BDNF: variants seen among roughly 807,000 people sequenced by gnomAD.
BDNF encodes neurotrophic factor BDNF precursor form.
Under a neutral mutation model 19.5 loss-of-function variants are expected in BDNF, and 1 was observed. The observed-to-expected ratio is 0.05, with a 90% CI of 0.02 to 0.24. BDNF has a LOEUF of 0.24. Among genes scored for constraint, BDNF ranks in the 10% least tolerant of loss-of-function variants. BDNF has a pLI of 1.00. For synonymous variants in BDNF, 100 were observed against 121.6 expected, an observed-to-expected ratio of 0.82 and a Z score of 1.17; for missense variants, 195 against 317.6, an observed-to-expected ratio of 0.61 and a Z score of 2.93.
intron 1 of BDNF, among the ~76,000 whole-genome samples, chr11:27,670,649 C>T (rs1202415523): frequency 1.3e-5 from 2 of 152,140 alleles, no homozygotes; most frequent in African/African-American, 2.4e-5. Flanking sequence ...CCAAAAGACA[C>T]ATGAAAAAAT....
chr11:27,664,869 C>T (rs529350444), intron 1 of BDNF, among the ~76,000 whole-genome samples: 3 of 152,302 alleles, frequency 2.0e-5, no homozygotes, highest in African/African-American at 7.2e-5. Context: ...ACCTTGCCCT[C>T]ATCCTCTGCC....
chr11:27,677,984 G>T (rs1856393767), intron 1 of BDNF, among the ~76,000 whole-genome samples: 1 of 152,116 alleles, frequency 6.6e-6, no homozygotes, highest in South Asian at 2.1e-4. Flanking sequence ...ACTGATTCAA[G>T]GTGGGACAAT....
chr11:27,672,705 G>A (rs1403870919), intron 1 of BDNF, among the ~76,000 whole-genome samples: 1 of 152,110 alleles, frequency 6.6e-6, no homozygotes, highest in Non-Finnish European at 1.5e-5. Flanking sequence ...TTCCCAGGAG[G>A]TAACCCAATT....
Position 27,658,831 on chromosome 11 carries a change from T to G in BDNF, c.-21-246A>C, listed in dbSNP as rs1320994885. 1.4e-6 allele frequency: 2 copies of G among 1,387,508 alleles called. No individual in the cohort carries two copies. The highest frequency in any genetic ancestry group is 3.2e-5 in the Admixed American group (1 of 31,258). 85.9% of individuals were successfully genotyped at this position (1,387,508 alleles called of 1,614,324 possible). On this transcript the variant is annotated intron_variant, in intron 1 of 1. Coordinates refer to ENST00000356660, the MANE Select transcript of BDNF (RefSeq NM_001709.5). This position sits in a 1 kb window ranked among gnomAD's most constrained non-coding sequence, Gnocchi z 5.7. ...TCTAGCATATAAACCTGAGATTAGA[T>G]GGCTTCTAAGCAAGTGCAAAAATTG...
intron 1 of BDNF, among the ~76,000 whole-genome samples, chr11:27,672,323 A>C (rs1855500950): frequency 6.6e-6 from 1 of 152,198 alleles, no homozygotes; most frequent in Non-Finnish European, 1.5e-5. Flanking sequence ...ACATAGCCTA[A>C]TATCACTCAC....
rs774437578 is a variant in BDNF at position 27,657,809 on chromosome 11, A to G, written c.*12T>C. ...TGTCTCAATATAATCTAATCTATAC[A>G]ACATAAATCCACTATCTTCCCCTTT... On this transcript the variant is annotated 3_prime_UTR_variant, in exon 2 of 2. Transcript: ENST00000356660. The surrounding 1 kb of genome is among the most constrained non-coding windows in gnomAD (Gnocchi z 5.0). 1 of 1,611,886 alleles carries G rather than the reference A, an allele frequency of 6.2e-7. No homozygotes were observed. The highest frequency in any genetic ancestry group is 1.1e-5 in the South Asian group (1 of 91,026).
chr11:27,699,520 G>A, intron 1 of BDNF: 1 of 1,609,860 alleles, frequency 6.2e-7, no homozygotes, highest in Non-Finnish European at 8.5e-7. Flanking sequence ...AGGATGGGTA[G>A]AGATGTGGGT....
intron 1 of BDNF, among the ~76,000 whole-genome samples, chr11:27,667,013 G>A (rs545028410): frequency 2.6e-5 from 4 of 152,194 alleles, no homozygotes; most frequent in South Asian, 2.1e-4. Context: ...TAAGTGCAGC[G>A]AGAGAGAAAG....
At chr11:27,717,589 T>C (rs1426833918) in intron 1 of BDNF, among the ~76,000 whole-genome samples, 1 of 152,194 alleles carries the variant, frequency 6.6e-6, no homozygotes, top group Non-Finnish European at 1.5e-5. Context: ...AATATTAATA[T>C]GCAAGACCAA....
Position 27,667,303 on chromosome 11 carries a change from C to G in BDNF, c.-21-8718G>C, listed in dbSNP as rs1390042775. Reference sequence around the variant, plus strand: ...GGAAAGGAACAACCAGTACCAGCCACTGCAAAAACATGCCAAATTGTAAAG... The same window carrying G: ...GGAAAGGAACAACCAGTACCAGCCAGTGCAAAAACATGCCAAATTGTAAAG... On this transcript the variant is annotated intron_variant, in intron 1 of 1. Transcript: ENST00000356660. Among the ~76,000 whole-genome samples the G allele has an allele frequency of 2.0e-5, 3 of 152,204 alleles. No individual in the cohort carries two copies. In the East Asian group the frequency reaches 5.8e-4, roughly 29 times the overall value.
Position 27,672,806 on chromosome 11 carries a change from A to G in BDNF, c.-21-14221T>C, listed in dbSNP as rs142525155. Among the ~76,000 whole-genome samples, 9 of 152,320 alleles carry G rather than the reference A, an allele frequency of 5.9e-5. No homozygotes were observed. In the East Asian group the frequency reaches 1.7e-3, roughly 29 times the overall value. ...AAAAAGGAAAAAAGGTTAGATTTCCAGAGAAAAGTGTAACATTTTTTAAGT... is the reference window on the plus strand; with the variant it reads ...AAAAAGGAAAAAAGGTTAGATTTCCGGAGAAAAGTGTAACATTTTTTAAGT... On this transcript the variant is annotated intron_variant, in intron 1 of 1. Transcript: ENST00000356660.
At chr11:27,704,886 G>A (rs1860048380), upstream of BDNF, among the ~76,000 whole-genome samples, 1 of 152,060 alleles carries the variant, frequency 6.6e-6, no homozygotes, top group South Asian at 2.1e-4. Context: ...TGTTCAAATT[G>A]GTCAACACCT....
At chr11:27,683,670 C>T (rs1394601501) in intron 1 of BDNF, among the ~76,000 whole-genome samples, 1 of 152,146 alleles carries the variant, frequency 6.6e-6, no homozygotes, top group Non-Finnish European at 1.5e-5. Context: ...GGAATCCTTT[C>T]TGCATTGCTT....
chr11:27,674,033 G>C, intron 1 of BDNF: 1 of 1,530,016 alleles, frequency 6.5e-7, no homozygotes. Context: ...ATTAGCAAGA[G>C]AAGGCTATTA....
chr11:27,711,908 C>A (rs1025359522), intron 1 of BDNF, among the ~76,000 whole-genome samples: 1 of 152,086 alleles, frequency 6.6e-6, no homozygotes, highest in Non-Finnish European at 1.5e-5. Context: ...AGTTAATGAC[C>A]AGAATCTGAA....
intron 1 of BDNF, chr11:27,674,466 TC>T: frequency 7.1e-7 from 1 of 1,416,446 alleles, no homozygotes; most frequent in Non-Finnish European, 9.2e-7. Flanking sequence ...ACGGTTCATT[TC>T]AACAGCACGA....
chr11:27,713,279 A>G (rs927749820), intron 1 of BDNF, among the ~76,000 whole-genome samples: 4 of 152,236 alleles, frequency 2.6e-5, no homozygotes, highest in African/African-American at 7.2e-5. Context: ...TGAAAGCAGA[A>G]GAAATCATTG....
At chr11:27,710,081 A>G (rs967282482) in intron 1 of BDNF, among the ~76,000 whole-genome samples, 3 of 152,216 alleles carry the variant, frequency 2.0e-5, no homozygotes, top group Non-Finnish European at 4.4e-5. Context: ...CTTCAAGATT[A>G]TCCTTTTTTG....
At chr11:27,678,169 CTG>C (rs928175004) in intron 1 of BDNF, among the ~76,000 whole-genome samples, 2 of 152,196 alleles carry the variant, frequency 1.3e-5, no homozygotes, top group African/African-American at 2.4e-5. Flanking sequence ...TGCCTTACCA[CTG>C]TAATATGATG....
Sources: gnomAD v4.1 joint callset for allele counts (sites outside exome capture counted in the v4.1 genomes callset) on GRCh38, gnomAD v4.1.1 for gene constraint, Gnocchi (gnomAD v3.1) non-coding constraint, MANE v1.5 for transcripts, NCBI Gene and HGNC (gene_info 2026-07-23, HGNC 2026-07-21) for gene names.